The following PIWIL4 variants were observed in gnomAD, a reference collection of about 807,000 sequenced individuals.
PIWIL4 encodes piwi like RNA-mediated gene silencing 4, also known as piwi-like protein 4.
Under a neutral mutation model 100.9 loss-of-function variants are expected in PIWIL4, and 50 were observed. That is an observed-to-expected ratio of 0.50 (90% CI 0.39 to 0.63). The LOEUF (loss-of-function observed/expected upper bound fraction) is 0.63. PIWIL4 is among the 20% of genes least tolerant of loss of function. The pLI, the probability that PIWIL4 is intolerant of heterozygous loss-of-function variation, is 0.00. For missense variants in PIWIL4, 887 were observed against 1,043.3 expected, an observed-to-expected ratio of 0.85 and a Z score of 2.06; for synonymous variants, 342 against 367.5, an observed-to-expected ratio of 0.93 and a Z score of 0.79.
chr11:94,584,092 C>T (rs542350887), intron 5 of PIWIL4, among the ~76,000 whole-genome samples: 6 of 152,282 alleles, frequency 3.9e-5, no homozygotes, highest in South Asian at 4.1e-4. Context: ...CATACTCCAG[C>T]GTCTTCTTAG....
At chr11:94,591,042 G>A (rs1017241581) in intron 8 of PIWIL4, among the ~76,000 whole-genome samples, 4 of 152,184 alleles carry the variant, frequency 2.6e-5, no homozygotes, top group African/African-American at 7.2e-5. Context: ...TGTAAGAACC[G>A]AGTAAGATAA....
intron 2 of PIWIL4, among the ~76,000 whole-genome samples, chr11:94,571,150 G>C (rs1433200123): frequency 2.6e-5 from 4 of 152,082 alleles, no homozygotes; most frequent in Non-Finnish European, 4.4e-5. Flanking sequence ...CAGCCTCTGA[G>C]CACAGAAGCC....
At chr11:94,569,817 G>A (rs1948124414) in intron 2 of PIWIL4, among the ~76,000 whole-genome samples, 1 of 152,062 alleles carries the variant, frequency 6.6e-6, no homozygotes, top group Non-Finnish European at 1.5e-5. Flanking sequence ...CGGAAGGTTG[G>A]GAGGGTGGGA....
At chr11:94,592,309 G>C (rs751066334) in intron 8 of PIWIL4, among the ~76,000 whole-genome samples, 2 of 152,186 alleles carry the variant, frequency 1.3e-5, no homozygotes, top group Non-Finnish European at 2.9e-5. Context: ...TCATCAGTTT[G>C]TTGTGCTTTA....
At chr11:94,598,537 T>C (rs1401765252) in intron 11 of PIWIL4, among the ~76,000 whole-genome samples, 1 of 152,050 alleles carries the variant, frequency 6.6e-6, no homozygotes, top group Non-Finnish European at 1.5e-5. Context: ...AATTATACAT[T>C]ATCTTTCTCC....
chr11:94,592,223 T>A (rs1010569695), intron 8 of PIWIL4, among the ~76,000 whole-genome samples: 4 of 152,230 alleles, frequency 2.6e-5, no homozygotes, highest in African/African-American at 9.6e-5. Flanking sequence ...AATTTCCAGT[T>A]ATGGAGCCTT....
At chr11:94,619,484 A>T (rs1265152014) in intron 17 of PIWIL4, among the ~76,000 whole-genome samples, 1 of 152,212 alleles carries the variant, frequency 6.6e-6, no homozygotes, top group Non-Finnish European at 1.5e-5. Context: ...CAAAAGTGCC[A>T]GTTGAAGTTC....
Position 94,587,207 on chromosome 11 carries a change from A to G in PIWIL4, c.874A>G (p.Thr292Ala). The G allele has an allele frequency of 1.2e-6, 2 of 1,614,170 alleles. No individual in the cohort carries two copies. The highest frequency in any genetic ancestry group is 1.7e-6 in the Non-Finnish European group (2 of 1,180,026). ...QRTGLSCFTQ[T>A]CEKQLIGLIV... is the part of the protein sequence containing the mutation. ...AACTGGCTTGTCCTGTTTCACCCAG[A>G]CGTGTGAGAAGCAGCTAATAGGGCT... is the stretch of plus-strand genomic sequence containing the variant. The change falls in exon 7 of 20, where the codon ACG becomes GCG. Residue 292 changes from threonine (T) to alanine (A), a missense_variant. Coordinates refer to ENST00000299001, the MANE Select transcript of PIWIL4 (RefSeq NM_152431.3).
At chr11:94,568,583 T>C in intron 1 of PIWIL4, 147 bp from the exon 2 acceptor site, 1 of 601,654 alleles carries the variant, frequency 1.7e-6, no homozygotes. Context: ...ATGGGCACTC[T>C]CTTCTCATCT....
At chr11:94,598,411 A>G (rs992743499) in intron 11 of PIWIL4, among the ~76,000 whole-genome samples, 3 of 152,224 alleles carry the variant, frequency 2.0e-5, no homozygotes, top group Admixed American at 2.0e-4. Context: ...GTATGCACAG[A>G]ACCCAGCCCC....
chr11:94,619,373 G>A (rs1948880694), intron 17 of PIWIL4, among the ~76,000 whole-genome samples: 1 of 152,116 alleles, frequency 6.6e-6, no homozygotes, highest in African/African-American at 2.4e-5. Context: ...TTTGCTACTT[G>A]GAAATAAAAT....
At chr11:94,613,135 T>C (rs1241214147) in intron 15 of PIWIL4, among the ~76,000 whole-genome samples, 1 of 152,228 alleles carries the variant, frequency 6.6e-6, no homozygotes, top group Non-Finnish European at 1.5e-5. Flanking sequence ...TTGTTATTTC[T>C]TATATGGCAG....
intron 13 of PIWIL4, among the ~76,000 whole-genome samples, chr11:94,605,602 A>T (rs1948705948): frequency 6.6e-6 from 1 of 152,130 alleles, no homozygotes; most frequent in South Asian, 2.1e-4. Context: ...TCAAACTTTT[A>T]CCCATTTGTC....
rs549432968 is a variant in PIWIL4 at position 94,567,769 on chromosome 11, CCTT to C, written c.87+167_87+169del. 574 of 1,254,946 alleles carry C rather than the reference CCTT, an allele frequency of 4.6e-4. 1 individual carries two copies. The African/African-American group carries it at 8.1e-3, about 18-fold the overall frequency. The allele number at this position is 1,254,946 out of a possible 1,614,324, so 77.7% of individuals were successfully genotyped here. A position where few individuals can be genotyped will look rare whatever the true frequency, so the allele number is the denominator to read the frequency against. ...CCAAGGTTTCTTCTAACAGTTTTCT[CCTT>C]CTAGGGATCTTGTCTGAGTAAGATA... On this transcript the variant is annotated intron_variant, in intron 1 of 19. Coordinates refer to ENST00000299001, the MANE Select transcript of PIWIL4 (RefSeq NM_152431.3).
intron 15 of PIWIL4, among the ~76,000 whole-genome samples, chr11:94,611,902 A>T (rs559052247): frequency 1.3e-5 from 2 of 152,052 alleles, no homozygotes; most frequent in East Asian, 3.9e-4. Flanking sequence ...GCCCAGTCTA[A>T]AGTGTTTCTT....
chr11:94,595,217 A>G, intron 9 of PIWIL4, 92 bp from the exon 10 acceptor site: 1 of 933,282 alleles, frequency 1.1e-6, no homozygotes, highest in Non-Finnish European at 1.7e-6. Flanking sequence ...CAGATGGTGA[A>G]TGCATTCAAG....
intron 9 of PIWIL4, 117 bp downstream of exon 9, chr11:94,593,758 G>T: frequency 8.3e-7 from 1 of 1,202,526 alleles, no homozygotes; most frequent in East Asian, 2.4e-5. Context: ...AACCCATGGA[G>T]GATGGTCCTT....
chr11:94,586,722 G>A (rs10831245), intron 6 of PIWIL4, among the ~76,000 whole-genome samples: 77,296 of 151,930 alleles, frequency 0.51, 21,699 homozygotes, highest in African/African-American at 0.76. Context: ...TGCTACTGGC[G>A]TCTAGTGGGT....
chr11:94,606,826 T>C (rs1355144519), intron 13 of PIWIL4, among the ~76,000 whole-genome samples: 3 of 146,004 alleles, frequency 2.1e-5, no homozygotes, highest in African/African-American at 7.8e-5. Context: ...AGTGTGAGAC[T>C]CTGTCTCAAA....
Sources: allele counts gnomAD v4.1 joint callset (sites outside exome capture counted in the v4.1 genomes callset), GRCh38; gene constraint gnomAD v4.1.1; transcripts MANE v1.5; gene names NCBI Gene and HGNC (gene_info 2026-07-23, HGNC 2026-07-21).